PIWIL1: variants seen among roughly 807,000 people sequenced by gnomAD.
PIWIL1 encodes piwi like RNA-mediated gene silencing 1.
In PIWIL1, 73 loss-of-function variants were observed where a neutral mutation model predicts 114.4. The observed-to-expected ratio is 0.64, with a 90% CI of 0.53 to 0.78. The LOEUF (loss-of-function observed/expected upper bound fraction) is 0.78. PIWIL1 is among the 30% of genes least tolerant of loss of function. PIWIL1 has a pLI of 0.00. For synonymous variants in PIWIL1, 375 were observed against 369.0 expected (o/e 1.02, Z -0.19); for missense variants, 723 against 1,063.1 (o/e 0.68, Z 4.45).
the PIWIL1 span, among the ~76,000 whole-genome samples, chr12:130,418,388 G>A: frequency 6.6e-6 from 1 of 152,166 alleles, no homozygotes. Flanking sequence ...AGCGCTCCAT[G>A]GCCTCTACAA....
the PIWIL1 span, among the ~76,000 whole-genome samples, chr12:130,387,810 G>A: frequency 6.6e-6 from 1 of 152,176 alleles, no homozygotes; most frequent in Non-Finnish European, 1.5e-5. Flanking sequence ...AATGTACATG[G>A]GTCAGTATTA....
At position 130,371,818 on chromosome 12, in the gene PIWIL1, T is replaced by C. The variant is rs1192150470; in HGVS notation, c.*220T>C. ...TTTATCTTCTTGTTTCTCATAGATA[T>C]TTTGTGAGCATTTTTTTGTTTATTT... On this transcript the variant is annotated 3_prime_UTR_variant, in exon 21 of 21. Coordinates refer to ENST00000245255, the MANE Select transcript of PIWIL1 (RefSeq NM_004764.5). 1 of 314,438 alleles carries C rather than the reference T, an allele frequency of 3.2e-6. No homozygotes were observed. The highest frequency in any genetic ancestry group is 6.0e-5 in the East Asian group (1 of 16,572). 19.5% of individuals were successfully genotyped at this position (314,438 alleles called of 1,614,324 possible).
At position 130,349,399 on chromosome 12, in the gene PIWIL1, G is replaced by C. The variant is rs1476693055; in HGVS notation, c.895G>C (p.Val299Leu). The C allele has an allele frequency of 6.2e-7, 1 of 1,613,292 alleles. No homozygotes were observed. Among genetic ancestry groups the C allele is most frequent in the East Asian group, 2.2e-5 (1 of 44,868 alleles). ...AGAAGAACATAAATTTCAAGAACAAGTTTCCAAAGAACTAATAGGTTTAGT... is the reference window on the plus strand; with the variant it reads ...AGAAGAACATAAATTTCAAGAACAACTTTCCAAAGAACTAATAGGTTTAGT... ...QTEEHKFQEQ[V>L]SKELIGLVVL... Residue 299 changes from valine (V) to leucine (L), a missense_variant, in exon 8 of 21, where the codon GTT becomes CTT. Coordinates refer to ENST00000245255, the MANE Select transcript of PIWIL1 (RefSeq NM_004764.5).
At chr12:130,370,164 C>A (rs189195064) in intron 19 of PIWIL1, among the ~76,000 whole-genome samples, 1 of 151,662 alleles carries the variant, frequency 6.6e-6, no homozygotes, top group African/African-American at 2.4e-5. Context: ...CATAATAAAT[C>A]GCAGGGTTAA....
the PIWIL1 span, among the ~76,000 whole-genome samples, chr12:130,404,460 G>A: frequency 6.6e-6 from 1 of 152,044 alleles, no homozygotes; most frequent in Non-Finnish European, 1.5e-5. Context: ...ACCACGCCCG[G>A]CTAATTCTTT....
At chr12:130,349,017 G>A (rs1007539439) in intron 7 of PIWIL1, among the ~76,000 whole-genome samples, 1 of 152,186 alleles carries the variant, frequency 6.6e-6, no homozygotes, top group Non-Finnish European at 1.5e-5. Context: ...ATGAATAGCT[G>A]AATAAAGTTA....
the PIWIL1 span, among the ~76,000 whole-genome samples, chr12:130,401,775 A>G: frequency 6.6e-6 from 1 of 152,088 alleles, no homozygotes; most frequent in East Asian, 1.9e-4. Context: ...GTCCCCCCTC[A>G]TTAGGTCCAA....
At chr12:130,407,504 G>A in the PIWIL1 span, among the ~76,000 whole-genome samples, 531 of 152,300 alleles carry the variant, frequency 3.5e-3, 3 homozygotes, top group African/African-American at 0.011. Flanking sequence ...GGGCCATGGG[G>A]ACAGGGCTTG....
the PIWIL1 span, among the ~76,000 whole-genome samples, chr12:130,405,798 A>G: frequency 2.0e-5 from 3 of 151,626 alleles, no homozygotes; most frequent in African/African-American, 7.3e-5. Context: ...GCTTATTTGT[A>G]TTTCTTCCTT....
intron 14 of PIWIL1, 148 bp downstream of exon 14, chr12:130,357,701 G>C: frequency 1.6e-6 from 1 of 617,632 alleles, no homozygotes; most frequent in Non-Finnish European, 2.9e-6. Context: ...CCATAAAGTA[G>C]CTAAGCTAAT....
intron 18 of PIWIL1, among the ~76,000 whole-genome samples, chr12:130,363,810 G>A (rs1004200357): frequency 6.6e-5 from 10 of 151,898 alleles, no homozygotes; most frequent in Admixed American, 6.5e-4. Context: ...TAGAGACGGG[G>A]TTTCACCACG....
At position 130,340,678 on chromosome 12, in the gene PIWIL1, G is replaced by GTGC. The variant is rs1158073002; in HGVS notation, c.-12-1887_-12-1885dup. 2.2e-3 allele frequency among the ~76,000 whole-genome samples: 309 copies of GTGC among 141,542 alleles called. 1 individual carries two copies. The highest frequency in any genetic ancestry group is 8.6e-3 in the African/African-American group (281 of 32,570). The allele number at this position is 141,542 out of a possible 152,430, so 92.9% of individuals were successfully genotyped here. ...AGGGGGGTTGGTGGTGGTGGTGGTG[G>GTGC]TGCTGCTGCTGCTGCTGGGGACGCT... is the stretch of plus-strand genomic sequence containing the variant. On this transcript the variant is annotated intron_variant, in intron 1 of 20. Transcript: ENST00000245255.
chr12:130,368,807 G>A lies in PIWIL1; in HGVS notation c.2321+1549G>A, dbSNP rs76225383. 6.2e-3 allele frequency among the ~76,000 whole-genome samples: 948 copies of A among 151,950 alleles called. 7 individuals are homozygous for A. Among genetic ancestry groups the A allele is most frequent in the African/African-American group, 0.022 (898 of 41,448 alleles). On this transcript the variant is annotated intron_variant, in intron 19 of 20. Transcript: ENST00000245255. Reference sequence around the variant, plus strand: ...AGTTGAATTATGAAGTATAAAAAACGTCATGAGTTTTCACTAGATATTATT... The same window carrying A: ...AGTTGAATTATGAAGTATAAAAAACATCATGAGTTTTCACTAGATATTATT...
intron 12 of PIWIL1, 69 bp downstream of exon 12, chr12:130,355,736 A>C: frequency 3.7e-6 from 4 of 1,081,676 alleles, no homozygotes; most frequent in Non-Finnish European, 4.3e-6. Context: ...CCCAGGCAGG[A>C]GTACAGTGGT....
In PIWIL1 at chr12:130,361,269, T is replaced by C; in HGVS notation, c.1755T>C (p.Cys585=). The change falls in exon 15 of 21, where the codon TGT becomes TGC. Residue 585 remains cysteine, a synonymous_variant. Transcript: ENST00000245255. ...LCTDCPTPSQ[C]VVARTLGKQQ... ...CAGATTGCCCTACCCCAAGTCAGTG[T>C]GTGGTGGCCCGAACCTTAGGCAAAC... The C allele has an allele frequency of 6.2e-7, 1 of 1,614,214 alleles. No homozygotes were observed. Among genetic ancestry groups the C allele is most frequent in the Non-Finnish European group, 8.5e-7 (1 of 1,180,026 alleles).
At chr12:130,344,976 CTT>C (rs967303224) in intron 3 of PIWIL1, among the ~76,000 whole-genome samples, 4 of 152,190 alleles carry the variant, frequency 2.6e-5, no homozygotes, top group African/African-American at 9.6e-5. Flanking sequence ...CTGGTAATCT[CTT>C]TTACACAAGA....
intron 1 of PIWIL1, among the ~76,000 whole-genome samples, chr12:130,341,403 G>T (rs1449308741): frequency 2.6e-5 from 4 of 152,210 alleles, no homozygotes; most frequent in African/African-American, 9.7e-5. Flanking sequence ...AAGTGTTAGA[G>T]AATTCTACCA....
intron 1 of PIWIL1, among the ~76,000 whole-genome samples, chr12:130,339,000 C>A (rs2072813484): frequency 6.6e-6 from 1 of 151,940 alleles, no homozygotes; most frequent in Non-Finnish European, 1.5e-5. Context: ...CCTGAGAGCT[C>A]TGCAGGAGGG....
At chr12:130,391,412 A>G in the PIWIL1 span, among the ~76,000 whole-genome samples, 1 of 152,230 alleles carries the variant, frequency 6.6e-6, no homozygotes, top group African/African-American at 2.4e-5. Flanking sequence ...TTGGAAAATT[A>G]GAGGCAGCTG....
Sources: gnomAD v4.1 joint callset for allele counts (sites outside exome capture counted in the v4.1 genomes callset) on GRCh38, gnomAD v4.1.1 for gene constraint, MANE v1.5 for transcripts, NCBI Gene and HGNC (gene_info 2026-07-23, HGNC 2026-07-21) for gene names.